Variants in ADAMTS19 observed in about 807,000 individuals in gnomAD.
ADAMTS19 encodes the protein ADAM metallopeptidase with thrombospondin type 1 motif 19, also known as A disintegrin and metalloproteinase with thrombospondin motifs 19.
Under a neutral mutation model 153.3 loss-of-function variants are expected in ADAMTS19, and 93 were observed. The ratio of observed to expected loss-of-function variants is 0.61; its 90% confidence interval spans 0.51 to 0.72. ADAMTS19 has a LOEUF of 0.72. Ranked by LOEUF, ADAMTS19 falls within the 30% of genes least tolerant of loss-of-function variation. The pLI, the probability that ADAMTS19 is intolerant of heterozygous loss-of-function variation, is 0.00. For synonymous variants in ADAMTS19, 600 were observed against 556.6 expected (o/e 1.08, Z -1.10); for missense variants, 1,482 against 1,552.1 (o/e 0.95, Z 0.76).
chr5:129,711,482 T>C (rs1265670564), intron 21 of ADAMTS19, among the ~76,000 whole-genome samples: 2 of 152,252 alleles, frequency 1.3e-5, no homozygotes, highest in South Asian at 2.1e-4. Context: ...AAGACCAGCC[T>C]AGCCAACTTG....
Position 129,675,927 on chromosome 5 carries a change from CTGAGGCAGGAGAATTGCT to C in ADAMTS19, c.2507-3833_2507-3816del, listed in dbSNP as rs573175289. 2.4e-3 allele frequency among the ~76,000 whole-genome samples: 365 copies of C among 152,198 alleles called. 1 individual carries two copies. The highest frequency in any genetic ancestry group is 8.5e-3 in the African/African-American group (354 of 41,524). The stretch of plus-strand genomic sequence containing the variant: ...CCAGTAATTCTAGCTACTCAGGAGG[CTGAGGCAGGAGAATTGCT>C]TGAACCCATGAGGCAGAGGTTGCAA... On this transcript the variant is annotated intron_variant, in intron 16 of 22. Transcript: ENST00000274487.
At chr5:129,541,908 T>C (rs1370086051) in intron 6 of ADAMTS19, among the ~76,000 whole-genome samples, 2 of 152,126 alleles carry the variant, frequency 1.3e-5, no homozygotes. Context: ...TTGATTTCTA[T>C]AGTTTCCTAT....
At chr5:129,520,868 G>C (rs575103579) in intron 3 of ADAMTS19, among the ~76,000 whole-genome samples, 1 of 152,160 alleles carries the variant, frequency 6.6e-6, no homozygotes, top group African/African-American at 2.4e-5. Context: ...CTCTGAATGA[G>C]AGCTCACCTT....
intron 3 of ADAMTS19, among the ~76,000 whole-genome samples, chr5:129,523,407 C>G (rs1751894228): frequency 8.5e-5 from 13 of 152,086 alleles, no homozygotes; most frequent in Admixed American, 8.5e-4. Flanking sequence ...TGCCAGTCAA[C>G]AGTGCAAGTT....
chr5:129,683,954 G>T (rs889966998), intron 17 of ADAMTS19, among the ~76,000 whole-genome samples, 166 bp from the exon 18 acceptor site: 4 of 151,442 alleles, frequency 2.6e-5, no homozygotes, highest in Admixed American at 2.0e-4. Context: ...ATAATGTCAC[G>T]TTTCTAGTGT....
chr5:129,467,896 T>A (rs557237318), intron 2 of ADAMTS19, among the ~76,000 whole-genome samples: 1 of 152,354 alleles, frequency 6.6e-6, no homozygotes, highest in East Asian at 1.9e-4. Context: ...AGGTAGTTTA[T>A]GCATAGACAA....
chr5:129,479,180 A>G (rs756156092), intron 2 of ADAMTS19, among the ~76,000 whole-genome samples: 7 of 152,154 alleles, frequency 4.6e-5, no homozygotes, highest in Non-Finnish European at 1.0e-4. Context: ...TCATGAAGAT[A>G]CTTTGTTGCT....
chr5:129,601,583 T>A (rs1193874608), intron 8 of ADAMTS19, among the ~76,000 whole-genome samples: 2 of 152,160 alleles, frequency 1.3e-5, no homozygotes, highest in African/African-American at 2.4e-5. Flanking sequence ...TGGTTACAGT[T>A]TATTAGCATG....
At chr5:129,497,514 T>C (rs2126703176) in intron 2 of ADAMTS19, among the ~76,000 whole-genome samples, 1 of 152,244 alleles carries the variant, frequency 6.6e-6, no homozygotes, top group Admixed American at 6.5e-5. Flanking sequence ...CTCACAAATA[T>C]ATCAGAGCTG....
intron 3 of ADAMTS19, 124 bp downstream of exon 3, chr5:129,509,366 CAATT>C: frequency 1.2e-6 from 1 of 851,180 alleles, no homozygotes; most frequent in Non-Finnish European, 1.7e-6. Flanking sequence ...TAATTAGTAA[CAATT>C]AAATGTATCA....
chr5:129,603,641 A>G (rs777412345), intron 8 of ADAMTS19, among the ~76,000 whole-genome samples: 2 of 152,220 alleles, frequency 1.3e-5, no homozygotes, highest in African/African-American at 4.8e-5. Flanking sequence ...TAATATACCT[A>G]TTAATAGCAT....
chr5:129,716,577 T>TTC (rs929157351), intron 21 of ADAMTS19, among the ~76,000 whole-genome samples: 4 of 147,526 alleles, frequency 2.7e-5, no homozygotes, highest in Admixed American at 2.7e-4. Flanking sequence ...CAGTTTCTTT[T>TTC]TTTTTTTTTT....
chr5:129,652,263 A>G (rs926719681), intron 13 of ADAMTS19, among the ~76,000 whole-genome samples: 3 of 152,230 alleles, frequency 2.0e-5, no homozygotes, highest in Non-Finnish European at 4.4e-5. Context: ...TACATGTATT[A>G]TAGCGCTGTG....
chr5:129,574,614 C>A (rs896120245), intron 7 of ADAMTS19, among the ~76,000 whole-genome samples: 4 of 151,906 alleles, frequency 2.6e-5, no homozygotes, highest in African/African-American at 9.7e-5. Context: ...GACACAAGAC[C>A]ATTGGTTATT....
At chr5:129,535,010 G>T (rs540131152) in intron 6 of ADAMTS19, among the ~76,000 whole-genome samples, 80 of 152,272 alleles carry the variant, frequency 5.3e-4, no homozygotes, top group African/African-American at 1.0e-3. Context: ...GCACAAGACA[G>T]GGATGCCCTC....
intron 10 of ADAMTS19, among the ~76,000 whole-genome samples, chr5:129,624,646 TGATCAAC>T (rs1751941513): frequency 6.6e-6 from 1 of 152,182 alleles, no homozygotes; most frequent in Non-Finnish European, 1.5e-5. Context: ...GCTCAGTAGA[TGATCAAC>T]TACACACGAT....
chr5:129,584,253 CT>C lies in ADAMTS19; in HGVS notation c.1373-12305del, dbSNP rs1749672869. 5.3e-5 allele frequency among the ~76,000 whole-genome samples: 8 copies of C among 152,226 alleles called. 1 individual carries two copies. Among genetic ancestry groups the C allele is most frequent in the Admixed American group, 5.2e-4 (8 of 15,290 alleles). On this transcript the variant is annotated intron_variant, in intron 7 of 22. Transcript: ENST00000274487. ...GCAGAACAGCAAAGTTTGCCACTGG[CT>C]CCTTCCTCTGGAAGCTTCATCCCAG...
chr5:129,550,748 T>A (rs1300937690), intron 6 of ADAMTS19, among the ~76,000 whole-genome samples: 1 of 151,544 alleles, frequency 6.6e-6, no homozygotes, highest in Non-Finnish European at 1.5e-5. Flanking sequence ...TTTCAGATCC[T>A]GTAACAGAGA....
chr5:129,466,401 G>T (rs913910283), intron 2 of ADAMTS19, among the ~76,000 whole-genome samples: 1 of 151,640 alleles, frequency 6.6e-6, no homozygotes, highest in African/African-American at 2.4e-5. Flanking sequence ...TAGAATAACA[G>T]AAATCTAATG....
Sources: allele counts gnomAD v4.1 joint callset (sites outside exome capture counted in the v4.1 genomes callset), GRCh38; gene constraint gnomAD v4.1.1; transcripts MANE v1.5; gene names NCBI Gene and HGNC (gene_info 2026-07-23, HGNC 2026-07-21).